NFATC2: variants seen among roughly 807,000 people sequenced by gnomAD.
The protein encoded by NFATC2 is nuclear factor of activated T cells 2.
NFATC2 carries 22 observed loss-of-function variants against 87.3 expected under a neutral mutation model. The ratio of observed to expected loss-of-function variants is 0.25; its 90% CI spans 0.18 to 0.36. The LOEUF (loss-of-function observed/expected upper bound fraction) is 0.36, where lower values mean the gene tolerates loss of function less well. Ranked by LOEUF, NFATC2 falls within the 10% of genes least tolerant of loss-of-function variation. NFATC2 has a pLI of 1.00. For missense variants in NFATC2, 1,149 were observed against 1,259.1 expected, an observed-to-expected ratio of 0.91 and a Z score of 1.32; for synonymous variants, 565 against 542.2, an observed-to-expected ratio of 1.04 and a Z score of -0.58.
At chr20:51,544,908 G>T (rs1428891679), upstream of NFATC2, among the ~76,000 whole-genome samples, 1 of 152,224 alleles carries the variant, frequency 6.6e-6, no homozygotes, top group African/African-American at 2.4e-5. Flanking sequence ...GTCTTGGGCA[G>T]CACCTCCTGG....
intron 3 of NFATC2, among the ~76,000 whole-genome samples, chr20:51,511,113 C>T (rs2076265182): frequency 6.6e-6 from 1 of 152,208 alleles, no homozygotes; most frequent in African/African-American, 2.4e-5. Context: ...CCCACATTCC[C>T]ACATGTCACA....
chr20:51,505,008 T>C (rs1392319906), intron 3 of NFATC2, among the ~76,000 whole-genome samples: 1 of 88,198 alleles, frequency 1.1e-5, no homozygotes, highest in East Asian at 2.6e-4. Flanking sequence ...CCTTTTTTTT[T>C]TTTTTTTTTT....
intron 9 of NFATC2, among the ~76,000 whole-genome samples, chr20:51,400,767 G>T (rs1411351118): frequency 6.6e-6 from 1 of 152,146 alleles, no homozygotes; most frequent in Non-Finnish European, 1.5e-5. Flanking sequence ...ACATCTCCGG[G>T]GGTGGTGGTG....
chr20:51,432,614 C>T lies in NFATC2; in HGVS notation c.2175G>A (p.Met725Ile), dbSNP rs767810916. Residue 725 changes from methionine (M) to isoleucine (I), a missense_variant, in exon 9 of 11, where the codon ATG becomes ATA. Met to Ile is a conservative substitution (Grantham distance 10). Transcript: ENST00000371564. This position sits in a 1 kb window ranked among gnomAD's most constrained non-coding sequence, Gnocchi z 4.6. ...CCGTGCGGAACTGCTGGCAGGGAGC[C>T]ATGGTGGCCACGAGGCAGGAGGGGG... ...AESPSCLVAT[M>I]APCQQFRTGL... 2.6e-6 allele frequency: 4 copies of T among 1,530,114 alleles called. No homozygotes were observed. The highest frequency in any genetic ancestry group is 8.8e-7 in the Non-Finnish European group (1 of 1,139,858). The allele number at this position is 1,530,114 out of a possible 1,614,324, so 94.8% of individuals were successfully genotyped here.
intron 3 of NFATC2, among the ~76,000 whole-genome samples, chr20:51,505,556 C>A (rs1337884554): frequency 1.3e-5 from 2 of 151,916 alleles, no homozygotes; most frequent in Non-Finnish European, 2.9e-5. Flanking sequence ...TTTTTCGAAC[C>A]TGTGCCAGTA....
In NFATC2 at chr20:51,480,287, C is replaced by CA. The variant is rs1052981862; in HGVS notation, c.1333-4628dup. On this transcript the variant is annotated intron_variant, in intron 3 of 10. Transcript: ENST00000371564. This position sits in a 1 kb window ranked among gnomAD's most constrained non-coding sequence, Gnocchi z 4.2. ...TGGGTCACAAAGCAAGACTCTGTCT[C>CA]AAAAAAAATAGAATGTGCTTCCTGC... Among the ~76,000 whole-genome samples, 59 of 98,588 alleles carry CA rather than the reference C, an allele frequency of 6.0e-4. 2 individuals are homozygous for CA. The highest frequency in any genetic ancestry group is 1.3e-3 in the South Asian group (5 of 3,744). The allele number at this position is 98,588 out of a possible 152,430, so 64.7% of individuals were successfully genotyped here.
In NFATC2 at chr20:51,523,614, A is replaced by G; in HGVS notation, c.627T>C (p.Pro209=). The G allele has an allele frequency of 6.2e-7, 1 of 1,613,872 alleles. No individual in the cohort carries two copies. The highest frequency in any genetic ancestry group is 8.5e-7 in the Non-Finnish European group (1 of 1,179,850). Residue 209 remains proline, a synonymous_variant, in exon 2 of 11, where the codon CCT becomes CCC. Coordinates refer to ENST00000371564, the MANE Select transcript of NFATC2 (RefSeq NM_012340.5). The surrounding 1 kb of genome is among the most constrained non-coding windows in gnomAD (Gnocchi z 6.9). The part of the protein sequence containing the change: ...DDLCPQFQNI[P]AHYSPRTSPI... ...GCGAGGTTCTGGGGGAATAATGAGC[A>G]GGGATGTTTTGAAACTGCGGACACA... is the stretch of plus-strand genomic sequence containing the variant.
chr20:51,429,642 T>TC (rs1480553796), intron 9 of NFATC2, among the ~76,000 whole-genome samples: 1 of 152,220 alleles, frequency 6.6e-6, no homozygotes, highest in African/African-American at 2.4e-5. Flanking sequence ...CGATGCGCTC[T>TC]CCTTTGTGCT....
At chr20:51,540,819 C>A (rs1285875672) in intron 1 of NFATC2, among the ~76,000 whole-genome samples, 2 of 151,908 alleles carry the variant, frequency 1.3e-5, no homozygotes, top group African/African-American at 4.8e-5. Flanking sequence ...CCCACCCCAC[C>A]CGACAAGGAA....
chr20:51,512,585 C>CA (rs1568710506), intron 3 of NFATC2, among the ~76,000 whole-genome samples: 2 of 151,850 alleles, frequency 1.3e-5, no homozygotes, highest in African/African-American at 4.8e-5. Context: ...AAGTACCATT[C>CA]AAAAAAAGCA....
intron 3 of NFATC2, among the ~76,000 whole-genome samples, chr20:51,491,292 A>T (rs981760375): frequency 1.2e-4 from 18 of 152,188 alleles, no homozygotes; most frequent in Non-Finnish European, 2.1e-4. Flanking sequence ...GTTAAAAAAA[A>T]AAAAGAAGAG....
intron 6 of NFATC2, among the ~76,000 whole-genome samples, chr20:51,449,992 G>A (rs1886465164): frequency 6.6e-6 from 1 of 151,940 alleles, no homozygotes; most frequent in South Asian, 2.1e-4. Context: ...ACTTGTCTTT[G>A]TTTTTCTACA....
rs913068955 is a variant in NFATC2, at chr20:51,556,797, A to T, written c.70+5763T>A. Reference sequence around the variant, plus strand: ...CCCGGAGCCCCGGAGTGTCAGGGGAAAGAAACACCCAGCTGGGCTTCAGCC... The same window carrying T: ...CCCGGAGCCCCGGAGTGTCAGGGGATAGAAACACCCAGCTGGGCTTCAGCC... On this transcript the variant is annotated intron_variant, in intron 1 of 10. Coordinates refer to the NFATC2 transcript ENST00000414705. 3.3e-5 allele frequency among the ~76,000 whole-genome samples: 5 copies of T among 152,312 alleles called. No individual in the cohort carries two copies. The South Asian group carries it at 1.0e-3, about 32-fold the overall frequency.
intron 10 of NFATC2, among the ~76,000 whole-genome samples, chr20:51,398,430 C>G (rs914269468): frequency 6.6e-6 from 1 of 152,160 alleles, no homozygotes; most frequent in Non-Finnish European, 1.5e-5. Flanking sequence ...GGGCCTCATC[C>G]CCCCTTCTCC....
At chr20:51,527,426 G>A (rs1432025939) in intron 1 of NFATC2, among the ~76,000 whole-genome samples, 1 of 152,132 alleles carries the variant, frequency 6.6e-6, no homozygotes, top group Non-Finnish European at 1.5e-5. Context: ...GCTGTGTTCT[G>A]TGCACATCTC....
chr20:51,412,381 C>T (rs1228343132), intron 9 of NFATC2, among the ~76,000 whole-genome samples: 1 of 152,162 alleles, frequency 6.6e-6, no homozygotes, highest in Non-Finnish European at 1.5e-5. Flanking sequence ...AGAACCTTCT[C>T]CCTAATAGGA....
chr20:51,445,550 T>C (rs781430771), intron 6 of NFATC2, among the ~76,000 whole-genome samples: 6 of 152,248 alleles, frequency 3.9e-5, no homozygotes, highest in Non-Finnish European at 8.8e-5. Flanking sequence ...GTATAGAACA[T>C]ACTTTTACTA....
At chr20:51,560,304 T>C (rs2077010490) in intron 1 of NFATC2, among the ~76,000 whole-genome samples, 1 of 152,192 alleles carries the variant, frequency 6.6e-6, no homozygotes, top group African/African-American at 2.4e-5. Context: ...ACAGTTGTGA[T>C]GTGGCCAAGC....
intron 6 of NFATC2, among the ~76,000 whole-genome samples, chr20:51,448,020 G>A (rs1482916035): frequency 6.6e-6 from 1 of 152,194 alleles, no homozygotes; most frequent in Non-Finnish European, 1.5e-5. Context: ...TAAAAGAGAT[G>A]CATTCATTCA....
Sources: gnomAD v4.1 joint callset for allele counts (sites outside exome capture counted in the v4.1 genomes callset) on GRCh38, gnomAD v4.1.1 for gene constraint, Gnocchi (gnomAD v3.1) non-coding constraint, MANE v1.5 for transcripts, NCBI Gene and HGNC (gene_info 2026-07-23, HGNC 2026-07-21) for gene names.